ZFHX3: variants seen among roughly 807,000 people sequenced by gnomAD.
ZFHX3 encodes zinc finger homeobox protein 3.
In ZFHX3, 42 loss-of-function variants were observed where a neutral mutation model predicts 279.1. The observed-to-expected ratio is 0.15, with a 90% CI of 0.12 to 0.19. The LOEUF is 0.19. Ranked by LOEUF, ZFHX3 falls within the 10% of genes least tolerant of loss-of-function variation. The pLI, the probability that ZFHX3 is intolerant of heterozygous loss-of-function variation, is 1.00. For missense variants in ZFHX3, 4,981 were observed against 4,754.0 expected (o/e 1.05, Z -1.40); for synonymous variants, 2,293 against 1,957.8 (o/e 1.17, Z -4.52).
At chr16:72,834,121 C>G (rs539552126) in intron 4 of ZFHX3, among the ~76,000 whole-genome samples, 2 of 152,238 alleles carry the variant, frequency 1.3e-5, no homozygotes, top group Non-Finnish European at 2.9e-5. Flanking sequence ...ATGGCACATG[C>G]TTGTAGTCGT....
intron 3 of ZFHX3, among the ~76,000 whole-genome samples, chr16:73,328,922 T>C (rs2015745813): frequency 6.6e-6 from 1 of 152,244 alleles, no homozygotes; most frequent in South Asian, 2.1e-4. Flanking sequence ...CTGCTCTTCC[T>C]TTCTCCTCTT....
At chr16:73,440,491 G>A (rs563977387) in intron 3 of ZFHX3, among the ~76,000 whole-genome samples, 13 of 152,082 alleles carry the variant, frequency 8.5e-5, no homozygotes, top group East Asian at 3.8e-4. Context: ...CCATTTCTCC[G>A]TGCCTGCCAC....
chr16:73,474,128 T>TA (rs2018722454), intron 2 of ZFHX3, among the ~76,000 whole-genome samples: 3 of 149,792 alleles, frequency 2.0e-5, no homozygotes, highest in Non-Finnish European at 4.4e-5. Flanking sequence ...TTCTCGCTCT[T>TA]TTTTATTTAT....
intron 2 of ZFHX3, among the ~76,000 whole-genome samples, chr16:73,486,366 G>C (rs936207400): frequency 1.2e-4 from 19 of 152,230 alleles, no homozygotes; most frequent in African/African-American, 3.4e-4. Flanking sequence ...GCTCAGGCCT[G>C]CTCCCACCCT....
chr16:73,527,146 G>A (rs553090124), intron 2 of ZFHX3, among the ~76,000 whole-genome samples: 55 of 152,164 alleles, frequency 3.6e-4, no homozygotes, highest in African/African-American at 6.3e-4. Flanking sequence ...CTGGCTGCTC[G>A]TTGTGGATGC....
chr16:73,654,858 T>C (rs1333633023), intron 2 of ZFHX3, among the ~76,000 whole-genome samples: 1 of 140,878 alleles, frequency 7.1e-6, no homozygotes, highest in Non-Finnish European at 1.5e-5. Flanking sequence ...TAATCACTTT[T>C]TTTTTTTTTT....
At position 73,512,297 on chromosome 16, in the gene ZFHX3, A is replaced by C. The variant is rs2019445248; in HGVS notation, c.-1546-56039T>G. ...CAAAAAAAAAAAAAAAAAAAAAAAAAATTAGCTGGGCATGGTGGTGCGTGT... is the reference window on the plus strand; with the variant it reads ...CAAAAAAAAAAAAAAAAAAAAAAAACATTAGCTGGGCATGGTGGTGCGTGT... On this transcript the variant is annotated intron_variant, in intron 2 of 17. Transcript: ENST00000641206. Among the ~76,000 whole-genome samples the C allele has an allele frequency of 3.3e-5, 4 of 122,322 alleles. No individual in the cohort carries two copies. In the South Asian group the frequency reaches 1.2e-3, roughly 36 times the overall value. The allele number at this position is 122,322 out of a possible 152,430, so 80.2% of individuals were successfully genotyped here.
intron 5 of ZFHX3, among the ~76,000 whole-genome samples, chr16:73,174,669 C>T (rs988817919): frequency 1.3e-5 from 2 of 152,042 alleles, no homozygotes; most frequent in Non-Finnish European, 2.9e-5. Flanking sequence ...CCACACTCTT[C>T]TCCTGCCCCA....
chr16:73,438,895 G>A (rs34088745), intron 3 of ZFHX3, among the ~76,000 whole-genome samples: 72,301 of 152,100 alleles, frequency 0.48, 21,363 homozygotes, highest in Non-Finnish European at 0.68. Context: ...CAAGAGAAGC[G>A]ACAGCCAGGA....
intron 7 of ZFHX3, among the ~76,000 whole-genome samples, chr16:73,109,723 C>G (rs1461564752): frequency 6.6e-6 from 1 of 152,098 alleles, no homozygotes; most frequent in Non-Finnish European, 1.5e-5. Flanking sequence ...GTGGTGCACA[C>G]CTGTAGTCCC....
chr16:73,034,572 A>C (rs1964832319), intron 1 of ZFHX3, among the ~76,000 whole-genome samples: 1 of 152,206 alleles, frequency 6.6e-6, no homozygotes, highest in Admixed American at 6.5e-5. Flanking sequence ...CCAAACTAGC[A>C]ACCCACCACG....
intron 1 of ZFHX3, among the ~76,000 whole-genome samples, chr16:73,884,706 A>G (rs2030290492): frequency 6.6e-6 from 1 of 152,206 alleles, no homozygotes; most frequent in Non-Finnish European, 1.5e-5. Context: ...TGTAATAAAT[A>G]GACTATGCTT....
intron 1 of ZFHX3, among the ~76,000 whole-genome samples, chr16:73,697,963 G>A (rs886239886): frequency 1.3e-5 from 2 of 151,998 alleles, no homozygotes; most frequent in African/African-American, 2.4e-5. Context: ...CCAATGAAAG[G>A]AACCAGGGCT....
chr16:73,496,824 C>T (rs2019149940), intron 2 of ZFHX3, among the ~76,000 whole-genome samples: 1 of 152,140 alleles, frequency 6.6e-6, no homozygotes, highest in Admixed American at 6.5e-5. Context: ...GAGGGAGGAG[C>T]CAGGTAGGAG....
At chr16:73,492,934 G>A (rs1447771720) in intron 2 of ZFHX3, among the ~76,000 whole-genome samples, 1 of 148,458 alleles carries the variant, frequency 6.7e-6, no homozygotes, top group Non-Finnish European at 1.5e-5. Context: ...CATAGTAGGT[G>A]CTCAATAAAT....
intron 3 of ZFHX3, among the ~76,000 whole-genome samples, chr16:72,912,481 T>C (rs1476340143): frequency 6.6e-6 from 1 of 152,134 alleles, no homozygotes; most frequent in Non-Finnish European, 1.5e-5. Flanking sequence ...AAGAAACTTA[T>C]TTGGAAAATT....
At chr16:73,755,857 A>G (rs1193975264) in intron 1 of ZFHX3, among the ~76,000 whole-genome samples, 5 of 152,230 alleles carry the variant, frequency 3.3e-5, no homozygotes, top group African/African-American at 1.2e-4. Flanking sequence ...TGGAGCAGAC[A>G]AGCTTCCTCA....
chr16:73,653,115 T>A (rs1160137170), intron 2 of ZFHX3, among the ~76,000 whole-genome samples: 2 of 152,184 alleles, frequency 1.3e-5, no homozygotes, highest in Non-Finnish European at 2.9e-5. Flanking sequence ...ACAAAAAGTA[T>A]TGACAAAGAA....
intron 5 of ZFHX3, among the ~76,000 whole-genome samples, chr16:73,186,220 T>C (rs1967904467): frequency 6.6e-6 from 1 of 152,150 alleles, no homozygotes; most frequent in Non-Finnish European, 1.5e-5. Context: ...AAATGGAACA[T>C]GCTTGAATCA....
Sources: gnomAD v4.1 joint callset for allele counts (sites outside exome capture counted in the v4.1 genomes callset) on GRCh38, gnomAD v4.1.1 for gene constraint, MANE v1.5 for transcripts, NCBI Gene and HGNC (gene_info 2026-07-23, HGNC 2026-07-21) for gene names.